Variants in BACC1 observed in about 807,000 individuals in gnomAD.
The protein encoded by BACC1 is BPTF associated chromatin complex component 1, also known as BPTF-associated chromatin complex component 1.
At chr17:7,015,160 C>T in the BACC1 span, 3 of 1,568,604 alleles carry the variant, frequency 1.9e-6, no homozygotes, top group South Asian at 2.3e-5. Flanking sequence ...CTGCGGGGTA[C>T]GTGAGCCCGG....
chr17:7,015,667 C>A, the BACC1 span: 1 of 1,357,790 alleles, frequency 7.4e-7, no homozygotes, highest in South Asian at 1.3e-5. Context: ...GGAAGGGGTC[C>A]CAGAAATCGG....
At chr17:7,017,114 G>C in the BACC1 span, 2 of 1,525,488 alleles carry the variant, frequency 1.3e-6, no homozygotes, top group Non-Finnish European at 1.8e-6. Flanking sequence ...CCCTTGTATA[G>C]GGGTTTCAGA....
the BACC1 span, chr17:7,015,761 C>T: frequency 3.0e-5 from 48 of 1,612,178 alleles, no homozygotes; most frequent in Non-Finnish European, 4.0e-5. Context: ...TCCCCCCTCT[C>T]CCCTTCTGAC....
the BACC1 span, chr17:7,017,238 A>T: frequency 6.2e-7 from 1 of 1,614,020 alleles, no homozygotes. Flanking sequence ...ATCTCGGCCC[A>T]TTTTACTTCC....
the BACC1 span, chr17:7,015,937 T>C: frequency 3.5e-6 from 5 of 1,421,130 alleles, no homozygotes; most frequent in South Asian, 5.9e-5. Context: ...TTACCCAAGG[T>C]TCCATCGTCC....
the BACC1 span, chr17:7,016,156 G>A: frequency 1.9e-6 from 1 of 520,622 alleles, no homozygotes; most frequent in African/African-American, 1.9e-5. Flanking sequence ...ATAAATGTTT[G>A]AGGACCCCAC....
the BACC1 span, chr17:7,016,355 A>T: frequency 2.4e-6 from 2 of 837,816 alleles, no homozygotes; most frequent in Non-Finnish European, 3.8e-6. Context: ...AAACTTCGAG[A>T]AAGTGAGAAC....
At chr17:7,016,887 CCTAG>C in the BACC1 span, 1 of 1,600,970 alleles carries the variant, frequency 6.2e-7, no homozygotes, top group Non-Finnish European at 8.6e-7. Flanking sequence ...GAACCTAGAA[CCTAG>C]CTTATGCCCC....
the BACC1 span, chr17:7,015,202 G>A: frequency 6.6e-7 from 1 of 1,522,452 alleles, no homozygotes; most frequent in East Asian, 2.6e-5. Context: ...GCGGGCGCTT[G>A]GACTCGGTCA....
At chr17:7,015,005 T>A in the BACC1 span, 8 of 1,072,534 alleles carry the variant, frequency 7.5e-6, no homozygotes, top group South Asian at 1.3e-4. Flanking sequence ...GGCTAGGGGC[T>A]CCGGGCGGGA....
the BACC1 span, chr17:7,015,404 C>A: frequency 7.3e-7 from 1 of 1,369,986 alleles, no homozygotes; most frequent in Admixed American, 3.6e-5. Flanking sequence ...CAAACCACCG[C>A]CACTCCCAAC....
the BACC1 span, chr17:7,015,844 C>T: frequency 6.2e-7 from 1 of 1,614,110 alleles, no homozygotes; most frequent in South Asian, 1.1e-5. Flanking sequence ...CGATCTTAAT[C>T]ACATCAGCTG....
At chr17:7,015,764 C>A in the BACC1 span, 1 of 1,613,492 alleles carries the variant, frequency 6.2e-7, no homozygotes, top group Non-Finnish European at 8.5e-7. Context: ...CCCCTCTCCC[C>A]TTCTGACAGT....
At chr17:7,016,245 A>C in the BACC1 span, 1 of 545,774 alleles carries the variant, frequency 1.8e-6, no homozygotes, top group East Asian at 3.2e-5. Flanking sequence ...ACCAAGCTCT[A>C]CCTGATGTCT....
chr17:7,016,916 C>T, the BACC1 span: 2 of 1,613,314 alleles, frequency 1.2e-6, no homozygotes, highest in Admixed American at 3.3e-5. Context: ...CCAGATGTGA[C>T]ACTCAGTGCT....
chr17:7,015,000 G>A, the BACC1 span: 1 of 1,428,818 alleles, frequency 7.0e-7, no homozygotes, highest in Non-Finnish European at 9.1e-7. The surrounding 1 kb of genome is among the most constrained non-coding windows in gnomAD (Gnocchi z 4.5). Context: ...GGTGGGGCTA[G>A]GGGCTCCGGG....
At chr17:7,015,366 G>A in the BACC1 span, 1 of 1,374,896 alleles carries the variant, frequency 7.3e-7, no homozygotes, top group Non-Finnish European at 9.3e-7. Flanking sequence ...CTGTTTCACA[G>A]TTCTCCCTGC....
chr17:7,014,816 T>TAGC, the BACC1 span: 5 of 1,524,836 alleles, frequency 3.3e-6, no homozygotes, highest in Non-Finnish European at 4.4e-6. This position sits in a 1 kb window ranked among gnomAD's most constrained non-coding sequence, Gnocchi z 4.5. Flanking sequence ...GGCTCGCGTG[T>TAGC]AGCGGCGGCG....
At chr17:7,015,003 G>T in the BACC1 span, 1 of 1,419,032 alleles carries the variant, frequency 7.0e-7, no homozygotes, top group Non-Finnish European at 9.2e-7. Flanking sequence ...GGGGCTAGGG[G>T]CTCCGGGCGG....
Sources: allele counts gnomAD v4.1 joint callset, GRCh38; gene constraint gnomAD v4.1.1; non-coding constraint Gnocchi (gnomAD v3.1); transcripts MANE v1.5; gene names NCBI Gene and HGNC (gene_info 2026-07-23, HGNC 2026-07-21).